Variants in KANK1 observed in about 807,000 individuals in gnomAD.
KANK1 encodes KN motif and ankyrin repeat domain-containing protein 1.
Under a neutral mutation model 106.2 loss-of-function variants are expected in KANK1, and 109 were observed. That is an observed-to-expected ratio of 1.03 (90% confidence interval 0.88 to 1.20). The LOEUF is 1.20. KANK1 is among the 50% of genes most tolerant of loss of function. The pLI, the probability that KANK1 is intolerant of heterozygous loss-of-function variation, is 0.00. For synonymous variants in KANK1, 873 were observed against 652.2 expected (o/e 1.34, Z -5.16); for missense variants, 2,399 against 1,710.7 (o/e 1.40, Z -7.10).
chr9:603,082 C>G (rs933181937), intron 1 of KANK1, among the ~76,000 whole-genome samples: 1 of 151,766 alleles, frequency 6.6e-6, no homozygotes, highest in Admixed American at 6.6e-5. Context: ...GAAAGAGTCT[C>G]TTATTCTCTT....
At chr9:491,924 G>A (rs1457158907) in intron 3 of KANK1, among the ~76,000 whole-genome samples, 1 of 152,220 alleles carries the variant, frequency 6.6e-6, no homozygotes, top group Non-Finnish European at 1.5e-5. Flanking sequence ...TGCCATCCAA[G>A]TAAGACGTGA....
intron 1 of KANK1, among the ~76,000 whole-genome samples, chr9:576,936 C>T (rs761002185): frequency 6.6e-5 from 10 of 152,196 alleles, no homozygotes; most frequent in Admixed American, 2.0e-4. Flanking sequence ...TAGACCCTCA[C>T]GGTGAGTGTT....
intron 1 of KANK1, among the ~76,000 whole-genome samples, chr9:542,805 C>T (rs943702976): frequency 9.9e-5 from 15 of 151,656 alleles, no homozygotes; most frequent in South Asian, 2.1e-4. Context: ...AAGACAGATA[C>T]TGCATTTTCT....
chr9:657,872 T>C (rs1842484759), intron 1 of KANK1, among the ~76,000 whole-genome samples: 1 of 152,072 alleles, frequency 6.6e-6, no homozygotes. Flanking sequence ...TGAGCCTTTC[T>C]GTTTTCTTGG....
At chr9:664,539 C>A (rs894503097) in intron 1 of KANK1, among the ~76,000 whole-genome samples, 3 of 152,120 alleles carry the variant, frequency 2.0e-5, no homozygotes, top group Non-Finnish European at 4.4e-5. Flanking sequence ...TCAAGCGATC[C>A]ACCTGCCTTG....
chr9:740,009 G>T (rs1333089619), intron 8 of KANK1, among the ~76,000 whole-genome samples: 1 of 152,018 alleles, frequency 6.6e-6, no homozygotes, highest in Non-Finnish European at 1.5e-5. Context: ...AATGTTCATG[G>T]TACCTTTTAT....
upstream of KANK1, among the ~76,000 whole-genome samples, chr9:501,927 G>T (rs1275848363): frequency 6.6e-6 from 1 of 152,160 alleles, no homozygotes; most frequent in African/African-American, 2.4e-5. Context: ...TTCAAGAAAT[G>T]TTTCACTTAG....
intron 2 of KANK1, among the ~76,000 whole-genome samples, chr9:683,976 C>G (rs1345770657): frequency 6.6e-6 from 1 of 152,054 alleles, no homozygotes; most frequent in African/African-American, 2.4e-5. Flanking sequence ...AATTTCATAA[C>G]CCTTAAAATG....
intron 1 of KANK1, among the ~76,000 whole-genome samples, chr9:643,700 G>A (rs28454921): frequency 2.7e-5 from 4 of 148,292 alleles, no homozygotes; most frequent in African/African-American, 5.1e-5. Context: ...GGGGTTTTTT[G>A]TTTTTTTTGG....
At position 710,893 on chromosome 9, in the gene KANK1, T is replaced by C. The variant is rs752297264; in HGVS notation, c.127T>C (p.Leu43=). The change falls in exon 3 of 12, where the codon TTA becomes CTA. Residue 43 remains leucine, a synonymous_variant. Transcript: ENST00000382297. ...VETPYGYQLD[L]DFLKYVDDIQ... is the part of the protein sequence containing the mutation. The stretch of plus-strand genomic sequence containing the variant: ...GACCCCCTATGGTTATCAACTAGAC[T>C]TAGATTTCCTCAAATATGTGGATGA... The C allele has an allele frequency of 1.9e-6, 3 of 1,614,166 alleles. No homozygotes were observed. Among genetic ancestry groups the C allele is most frequent in the Non-Finnish European group, 1.7e-6 (2 of 1,180,000 alleles).
chr9:695,219 G>T (rs116793514), intron 2 of KANK1, among the ~76,000 whole-genome samples: 4 of 152,222 alleles, frequency 2.6e-5, no homozygotes, highest in Admixed American at 1.3e-4. Context: ...TTAAAGCACC[G>T]TCTTTGCACA....
chr9:698,335 C>G (rs1053100539), intron 2 of KANK1, among the ~76,000 whole-genome samples: 3 of 152,250 alleles, frequency 2.0e-5, no homozygotes, highest in Non-Finnish European at 4.4e-5. Context: ...CCTGGATTCC[C>G]TAAAATGTTG....
chr9:483,780 C>T (rs964533542), intron 3 of KANK1, among the ~76,000 whole-genome samples: 3 of 152,160 alleles, frequency 2.0e-5, no homozygotes, highest in Admixed American at 1.3e-4. Context: ...GAGGGCTGGA[C>T]AGGCACTCTT....
chr9:610,565 G>C (rs185279737), intron 1 of KANK1, among the ~76,000 whole-genome samples: 1 of 152,284 alleles, frequency 6.6e-6, no homozygotes, highest in Non-Finnish European at 1.5e-5. Flanking sequence ...AGTACCCTCT[G>C]CTGCGTCAGG....
intron 1 of KANK1, among the ~76,000 whole-genome samples, chr9:514,609 T>G (rs1458248692): frequency 6.6e-6 from 1 of 151,566 alleles, no homozygotes; most frequent in East Asian, 1.9e-4. Context: ...ATTTGTGAGA[T>G]TGATCCATGT....
intron 3 of KANK1, among the ~76,000 whole-genome samples, chr9:498,965 CAGG>C (rs2132428633): frequency 6.6e-6 from 1 of 152,190 alleles, no homozygotes; most frequent in East Asian, 1.9e-4. Context: ...ATCACGAGGT[CAGG>C]AGATCAAGAC....
chr9:546,564 C>T (rs929453308), intron 1 of KANK1, among the ~76,000 whole-genome samples: 1 of 152,040 alleles, frequency 6.6e-6, no homozygotes, highest in African/African-American at 2.4e-5. Flanking sequence ...CAGTTTTCAC[C>T]TTGCCTCTCC....
At chr9:654,862 GA>G (rs1243599071) in intron 1 of KANK1, among the ~76,000 whole-genome samples, 26 of 151,558 alleles carry the variant, frequency 1.7e-4, no homozygotes, top group Admixed American at 1.7e-3. Flanking sequence ...AGGGAGGAAG[GA>G]AAAAGAAATG....
chr9:617,889 T>A (rs1359866727), intron 1 of KANK1, among the ~76,000 whole-genome samples: 1 of 152,194 alleles, frequency 6.6e-6, no homozygotes, highest in Non-Finnish European at 1.5e-5. Flanking sequence ...AGAATGGAAT[T>A]TCTTACTGAA....
Sources: gnomAD v4.1 joint callset for allele counts (sites outside exome capture counted in the v4.1 genomes callset) on GRCh38, gnomAD v4.1.1 for gene constraint, MANE v1.5 for transcripts, NCBI Gene and HGNC (gene_info 2026-07-23, HGNC 2026-07-21) for gene names.